The following SV2C variants were observed in gnomAD, a reference collection of about 807,000 sequenced individuals.
SV2C encodes solute carrier family 22 member B3.
A neutral mutation model predicts 79.7 loss-of-function variants in SV2C; 49 were observed. The observed-to-expected ratio is 0.61, with a 90% confidence interval of 0.49 to 0.78. SV2C has a LOEUF of 0.78. SV2C is among the 30% of genes least tolerant of loss of function. The pLI is 0.00. For synonymous variants in SV2C, 334 were observed against 333.2 expected (o/e 1.00, Z -0.03); for missense variants, 833 against 912.9 (o/e 0.91, Z 1.13).
chr5:76,247,503 A>C (rs942651765), intron 4 of SV2C, among the ~76,000 whole-genome samples: 1 of 152,078 alleles, frequency 6.6e-6, no homozygotes, highest in Non-Finnish European at 1.5e-5. Context: ...AGTACAGCTT[A>C]TTTTCTCCTG....
the SV2C span, among the ~76,000 whole-genome samples, chr5:76,024,785 A>C: frequency 6.6e-6 from 1 of 152,122 alleles, no homozygotes; most frequent in Non-Finnish European, 1.5e-5. Flanking sequence ...TTATGAGAAA[A>C]GTTGACCCTC....
chr5:75,882,831 T>C, the SV2C span, among the ~76,000 whole-genome samples: 1 of 149,274 alleles, frequency 6.7e-6, no homozygotes, highest in East Asian at 1.9e-4. Flanking sequence ...AAAGCCAAAA[T>C]TGACAAATGG....
intron 4 of SV2C, among the ~76,000 whole-genome samples, chr5:76,249,176 G>A (rs1445863196): frequency 1.3e-5 from 2 of 152,210 alleles, no homozygotes; most frequent in Non-Finnish European, 2.9e-5. Context: ...ACAGTTGGAA[G>A]TATACACACA....
chr5:76,057,425 G>A, the SV2C span, among the ~76,000 whole-genome samples: 8 of 137,880 alleles, frequency 5.8e-5, no homozygotes, highest in Admixed American at 5.0e-4. Context: ...TCCCCTTCCT[G>A]TGTCCATGTG....
the SV2C span, among the ~76,000 whole-genome samples, chr5:75,977,163 G>GCTC: frequency 6.6e-6 from 1 of 152,142 alleles, no homozygotes; most frequent in East Asian, 1.9e-4. Context: ...TTGGGACTGA[G>GCTC]CTCCTACCCT....
At chr5:76,141,747 C>A (rs1174113878) in intron 2 of SV2C, among the ~76,000 whole-genome samples, 2 of 141,532 alleles carry the variant, frequency 1.4e-5, no homozygotes, top group African/African-American at 5.3e-5. Flanking sequence ...TGGCTTGAAC[C>A]TGGGAGGTGG....
chr5:75,997,572 C>G, the SV2C span, among the ~76,000 whole-genome samples: 1 of 152,082 alleles, frequency 6.6e-6, no homozygotes, highest in Non-Finnish European at 1.5e-5. Context: ...TTTATGCAAC[C>G]AAAACACACA....
At chr5:75,921,876 T>TATTCATTCATTCATTC in the SV2C span, among the ~76,000 whole-genome samples, 1 of 152,052 alleles carries the variant, frequency 6.6e-6, no homozygotes, top group African/African-American at 2.4e-5. Flanking sequence ...TCAATTTGTT[T>TATTCATTCATTCATTC]ATTCATTCAT....
chr5:76,209,726 C>T lies in SV2C; in HGVS notation c.762-10C>T. The T allele has an allele frequency of 1.2e-6, 2 of 1,613,042 alleles. No homozygotes were observed. The highest frequency in any genetic ancestry group is 1.7e-6 in the Non-Finnish European group (2 of 1,179,450). ...CCCTGATTTCATGTATTCTCTGTAC[C>T]TCTTGGCAGGATTGGAGGAGCCATA... On this transcript the variant is annotated splice_polypyrimidine_tract_variant and intron_variant, in intron 3 of 12. Coordinates refer to ENST00000502798, the MANE Select transcript of SV2C (RefSeq NM_014979.4).
At chr5:76,341,169 G>A (rs984878747) in intron 12 of SV2C, among the ~76,000 whole-genome samples, 2 of 152,042 alleles carry the variant, frequency 1.3e-5, no homozygotes, top group African/African-American at 4.8e-5. Flanking sequence ...GACCTCAGGT[G>A]ATCCACCCAC....
chr5:75,915,038 TACTC>T, the SV2C span, among the ~76,000 whole-genome samples: 1 of 152,288 alleles, frequency 6.6e-6, no homozygotes, highest in East Asian at 1.9e-4. Flanking sequence ...TCTTGAGACT[TACTC>T]ACTATCACAA....
At chr5:75,920,457 T>C in the SV2C span, among the ~76,000 whole-genome samples, 2 of 152,172 alleles carry the variant, frequency 1.3e-5, no homozygotes, top group Non-Finnish European at 2.9e-5. Context: ...AGGCAGAGGC[T>C]AAAAAGCTAT....
the SV2C span, among the ~76,000 whole-genome samples, chr5:75,882,471 G>A: frequency 2.6e-5 from 4 of 151,560 alleles, no homozygotes; most frequent in African/African-American, 9.7e-5. Flanking sequence ...AACAAAGCTG[G>A]AGGCATCATG....
At chr5:75,919,443 T>A in the SV2C span, among the ~76,000 whole-genome samples, 1 of 152,228 alleles carries the variant, frequency 6.6e-6, no homozygotes, top group East Asian at 1.9e-4. Context: ...AACTTTACTA[T>A]TAAATGCAAT....
intron 1 of SV2C, among the ~76,000 whole-genome samples, chr5:76,108,154 G>C (rs529234277): frequency 1.3e-5 from 2 of 152,318 alleles, no homozygotes; most frequent in East Asian, 1.9e-4. Flanking sequence ...GATTGACAGA[G>C]AGTGGGGAAT....
rs1749061385 is a variant in SV2C at position 76,328,002 on chromosome 5, T to A, written c.*2455T>A. The A allele has an allele frequency of 6.6e-6, 1 of 152,254 alleles. No homozygotes were observed. The highest frequency in any genetic ancestry group is 2.4e-5 in the African/African-American group (1 of 41,462). The allele number at this position is 152,254 out of a possible 1,614,324, so 9.4% of individuals were successfully genotyped here. Reference sequence around the variant, plus strand: ...CTTTTCTCATCTCCTGGACAGTCTGTGGTCACAAACCTTCTTGGTCACCAC... The same window carrying A: ...CTTTTCTCATCTCCTGGACAGTCTGAGGTCACAAACCTTCTTGGTCACCAC... On this transcript the variant is annotated 3_prime_UTR_variant, in exon 13 of 13. Transcript: ENST00000502798.
intron 1 of SV2C, among the ~76,000 whole-genome samples, chr5:76,117,458 GTAAC>G (rs1052458681): frequency 1.3e-5 from 2 of 152,054 alleles, no homozygotes; most frequent in African/African-American, 4.8e-5. Context: ...TCTTTGAAAA[GTAAC>G]TAAGCAATTC....
At chr5:76,167,353 C>T (rs1437976346) in intron 2 of SV2C, among the ~76,000 whole-genome samples, 1 of 152,128 alleles carries the variant, frequency 6.6e-6, no homozygotes, top group Non-Finnish European at 1.5e-5. Flanking sequence ...TCTGTATTTT[C>T]CTTGTCTTTG....
chr5:75,862,581 G>A, the SV2C span, among the ~76,000 whole-genome samples: 2 of 152,170 alleles, frequency 1.3e-5, no homozygotes, highest in African/African-American at 4.8e-5. Flanking sequence ...TTTTCATGCA[G>A]TCTGAACCAG....
Sources: gnomAD v4.1 joint callset for allele counts (sites outside exome capture counted in the v4.1 genomes callset) on GRCh38, gnomAD v4.1.1 for gene constraint, MANE v1.5 for transcripts, NCBI Gene and HGNC (gene_info 2026-07-23, HGNC 2026-07-21) for gene names.